Variants in SEC14L2 observed in about 807,000 individuals in gnomAD.
SEC14L2 encodes the protein SEC14-like protein 2.
In SEC14L2, 50 loss-of-function variants were observed where a neutral mutation model predicts 56.9. That is an observed-to-expected ratio of 0.88 (90% CI 0.70 to 1.11). The LOEUF is 1.11. Among genes scored for constraint, SEC14L2 ranks in the 50% most tolerant of loss-of-function variants. SEC14L2 has a pLI of 0.00. For missense variants in SEC14L2, 414 were observed against 500.7 expected, an observed-to-expected ratio of 0.83 and a Z score of 1.65; for synonymous variants, 179 against 188.5, an observed-to-expected ratio of 0.95 and a Z score of 0.41.
At position 30,424,638 on chromosome 22, in the gene SEC14L2, T is replaced by C. The variant is rs192928594; in HGVS notation, c.*2231T>C. ...AGAGCTTGGTATAAGTAAGTGCTCGTCAATGTTGGCTACTCTCATTTTTTT... is the reference window on the plus strand; with the variant it reads ...AGAGCTTGGTATAAGTAAGTGCTCGCCAATGTTGGCTACTCTCATTTTTTT... On this transcript the variant is annotated 3_prime_UTR_variant, in exon 12 of 12. Transcript: ENST00000615189. 2.3e-4 allele frequency: 102 copies of C among 452,274 alleles called. No individual in the cohort carries two copies. Among genetic ancestry groups the C allele is most frequent in the African/African-American group, 1.8e-3 (88 of 50,036 alleles). 28.0% of individuals were successfully genotyped at this position (452,274 alleles called of 1,614,324 possible). A position where few individuals can be genotyped will look rare whatever the true frequency, so the allele number is the denominator to read the frequency against.
intron 2 of SEC14L2, among the ~76,000 whole-genome samples, chr22:30,403,035 C>T (rs1933984483): frequency 1.3e-5 from 2 of 152,184 alleles, no homozygotes; most frequent in South Asian, 2.1e-4. Context: ...CTATATCGCA[C>T]CACTGCATTC....
At chr22:30,406,317 G>GA (rs1934090892) in intron 2 of SEC14L2, 25 bp from the exon 3 acceptor site, 6 of 1,613,666 alleles carry the variant, frequency 3.7e-6, no homozygotes, top group Non-Finnish European at 5.1e-6. Flanking sequence ...ACCTAACCCT[G>GA]ACCAGAACTG....
intron 2 of SEC14L2, among the ~76,000 whole-genome samples, chr22:30,403,150 C>T (rs140117790): frequency 7.0e-4 from 107 of 152,260 alleles, no homozygotes; most frequent in African/African-American, 2.5e-3. Context: ...TGACAAAGAC[C>T]TTTCATAAAA....
At chr22:30,406,059 T>C (rs1934084192) in intron 2 of SEC14L2, among the ~76,000 whole-genome samples, 1 of 152,008 alleles carries the variant, frequency 6.6e-6, no homozygotes, top group South Asian at 2.1e-4. Context: ...TTTAAGTTGA[T>C]TATAACCACT....
chr22:30,417,363 A>G (rs1934414339), intron 11 of SEC14L2, among the ~76,000 whole-genome samples: 1 of 152,240 alleles, frequency 6.6e-6, no homozygotes, highest in South Asian at 2.1e-4. Flanking sequence ...TATTAATATT[A>G]CATTTATAAG....
chr22:30,398,000 GCAAGAGCCGATAGGGTCTGGCCC>G, intron 1 of SEC14L2: 1 of 406,236 alleles, frequency 2.5e-6, no homozygotes, highest in Non-Finnish European at 5.0e-6. Context: ...TCTTCTCTGG[GCAAGAGCCGATAGGGTCTGGCCC>G]CAAGATTTGG....
chr22:30,420,089 GATTACAGGC>G (rs1170511551), intron 11 of SEC14L2, among the ~76,000 whole-genome samples: 1 of 152,104 alleles, frequency 6.6e-6, no homozygotes, highest in African/African-American at 2.4e-5. Flanking sequence ...AAGTAGCTGG[GATTACAGGC>G]ATGGGCCACC....
At chr22:30,421,707 AG>A (rs1934523481) in intron 11 of SEC14L2, 1 of 152,262 alleles carries the variant, frequency 6.6e-6, no homozygotes, top group Non-Finnish European at 1.5e-5. Context: ...GGTCCAAGTC[AG>A]GCAGAACAAA....
chr22:30,402,192 C>T (rs1228543745), intron 2 of SEC14L2, among the ~76,000 whole-genome samples: 2 of 152,124 alleles, frequency 1.3e-5, no homozygotes, highest in Non-Finnish European at 2.9e-5. Context: ...AATTTTGGCC[C>T]AGCATTTGCT....
chr22:30,424,621 G>T lies in SEC14L2; in HGVS notation c.*2214G>T. The T allele has an allele frequency of 2.2e-6, 1 of 445,222 alleles. No homozygotes were observed. The highest frequency in any genetic ancestry group is 1.6e-5 in the South Asian group (1 of 63,166). 27.6% of individuals were successfully genotyped at this position (445,222 alleles called of 1,614,324 possible). On this transcript the variant is annotated 3_prime_UTR_variant, in exon 12 of 12. Transcript: ENST00000615189. Reference sequence around the variant, plus strand: ...GCCGTGCAAAGCGCTTAAGAGCTTGGTATAAGTAAGTGCTCGTCAATGTTG... The same window carrying T: ...GCCGTGCAAAGCGCTTAAGAGCTTGTTATAAGTAAGTGCTCGTCAATGTTG...
At chr22:30,414,834 G>T (rs1444576452) in intron 8 of SEC14L2, among the ~76,000 whole-genome samples, 2 of 151,952 alleles carry the variant, frequency 1.3e-5, no homozygotes, top group East Asian at 1.9e-4. Context: ...GAAGTGAAAT[G>T]GTGGCTGGGG....
chr22:30,399,811 G>A (rs1361109878), intron 2 of SEC14L2, 93 bp downstream of exon 2: 2 of 1,104,402 alleles, frequency 1.8e-6, no homozygotes, highest in Middle Eastern at 5.9e-4. Context: ...GGCAATTGAG[G>A]CATCTAGAGT....
chr22:30,424,738 G>A lies in SEC14L2; in HGVS notation c.*2331G>A, dbSNP rs746068386. 2.2e-6 allele frequency: 1 copy of A among 456,500 alleles called. No individual in the cohort carries two copies. The allele number at this position is 456,500 out of a possible 1,614,324, so 28.3% of individuals were successfully genotyped here. ...ACAGCTAGGATTTGAACCCAGGATT[G>A]TCTCCAACGCCGCTCAATTATACCC... On this transcript the variant is annotated 3_prime_UTR_variant, in exon 12 of 12. Coordinates refer to ENST00000615189, the MANE Select transcript of SEC14L2 (RefSeq NM_012429.5).
rs1451544777 is a variant in SEC14L2, at chr22:30,424,289, CA to C, written c.*1883del. 3 of 162,068 alleles carry C rather than the reference CA, an allele frequency of 1.9e-5. No homozygotes were observed. The East Asian group carries it at 5.5e-4, about 30-fold the overall frequency. The allele number at this position is 162,068 out of a possible 1,614,324, so 10.0% of individuals were successfully genotyped here. On this transcript the variant is annotated 3_prime_UTR_variant, in exon 12 of 12. Coordinates refer to ENST00000615189, the MANE Select transcript of SEC14L2 (RefSeq NM_012429.5). ...TTCCACGCCAGCATTGCCGGTGTTT[CA>C]GGGGGTGGGAACCGCTGCGTTCCCC... is the stretch of plus-strand genomic sequence containing the variant.
chr22:30,405,063 T>A (rs1184396864), intron 2 of SEC14L2, among the ~76,000 whole-genome samples: 1 of 145,906 alleles, frequency 6.9e-6, no homozygotes, highest in African/African-American at 2.5e-5. Context: ...AGAGCGAAAT[T>A]GTCTCAAAAA....
At chr22:30,402,811 G>A (rs1190467794) in intron 2 of SEC14L2, among the ~76,000 whole-genome samples, 1 of 151,892 alleles carries the variant, frequency 6.6e-6, no homozygotes, top group Non-Finnish European at 1.5e-5. Context: ...TGGCATGGTG[G>A]TTCATGCCTG....
rs956059919 is a variant in SEC14L2 at position 30,416,791 on chromosome 22, A to T, written c.1081+388A>T. 1.9e-5 allele frequency: 23 copies of T among 1,201,538 alleles called. No homozygotes were observed. In the South Asian group the frequency reaches 1.9e-4, roughly 10 times the overall value. 74.4% of individuals were successfully genotyped at this position (1,201,538 alleles called of 1,614,324 possible). A position where few individuals can be genotyped will look rare whatever the true frequency, so the allele number is the denominator to read the frequency against. ...TGGGTGGGCATGGGATCACAAGGTA[A>T]GCAGATGCTCAAAAGTGCAGCCTTC... On this transcript the variant is annotated intron_variant, in intron 11 of 11. Transcript: ENST00000615189.
rs1375375532 is a variant in SEC14L2, at chr22:30,424,873, C to T, written c.*2466C>T. 2.2e-6 allele frequency: 1 copy of T among 452,192 alleles called. No homozygotes were observed. Among genetic ancestry groups the T allele is most frequent in the Middle Eastern group, 3.3e-4 (1 of 3,054 alleles). 28.0% of individuals were successfully genotyped at this position (452,192 alleles called of 1,614,324 possible). ...TTGTAATCACTAACCCCAACTCTGT[C>T]TCCCTTGCCCGATTCATTCATTCGT... On this transcript the variant is annotated 3_prime_UTR_variant, in exon 12 of 12. Coordinates refer to ENST00000615189, the MANE Select transcript of SEC14L2 (RefSeq NM_012429.5).
intron 11 of SEC14L2, among the ~76,000 whole-genome samples, chr22:30,421,963 C>A (rs115900219): frequency 1.0e-3 from 152 of 152,328 alleles, no homozygotes; most frequent in African/African-American, 3.4e-3. Context: ...CCAGTTCAAG[C>A]TCTAACTCCT....
Sources: gnomAD v4.1 joint callset for allele counts (sites outside exome capture counted in the v4.1 genomes callset) on GRCh38, gnomAD v4.1.1 for gene constraint, MANE v1.5 for transcripts, NCBI Gene and HGNC (gene_info 2026-07-23, HGNC 2026-07-21) for gene names.